The following RNF128 variants were observed in gnomAD, a reference collection of about 807,000 sequenced individuals.
RNF128 encodes the protein ring finger protein 128.
RNF128 carries 13 observed loss-of-function variants against 26.2 expected under a neutral mutation model. The ratio of observed to expected loss-of-function variants is 0.50; its 90% confidence interval spans 0.32 to 0.79. RNF128 has a LOEUF of 0.79. Ranked by LOEUF, RNF128 falls within the 30% of genes least tolerant of loss-of-function variation. The pLI is 0.03. For synonymous variants in RNF128, 149 were observed against 142.5 expected (o/e 1.05, Z -0.32); for missense variants, 315 against 349.7 (o/e 0.90, Z 0.79).
Position 106,791,164 on chromosome X carries a change from C to T in RNF128, c.1083C>T (p.Thr361=), listed in dbSNP as rs148539954. Residue 361 remains threonine, a synonymous_variant, in exon 6 of 7, where the codon ACC becomes ACT. Transcript: ENST00000255499. The part of the protein sequence containing the change: ...SSHEEDNRSE[T]ASSGYASVQG... ...ATGAAGAGGATAATCGCAGCGAGAC[C>T]GCATCATCTGGATATGCTTCAGTAC... 4.1e-5 allele frequency: 49 copies of T among 1,207,422 alleles called. No homozygotes were observed. The African/African-American group carries it at 6.9e-4, about 17-fold the overall frequency.
chrX:106,707,102 T>G (rs759741760), intron 1 of RNF128, among the ~76,000 whole-genome samples: 7 of 111,886 alleles, frequency 6.3e-5, no homozygotes, highest in Non-Finnish European at 1.1e-4. Context: ...TCTTATGTAT[T>G]CATTTGTATA....
chrX:106,783,737 G>A (rs768813309), intron 2 of RNF128, among the ~76,000 whole-genome samples: 1 of 111,607 alleles, frequency 9.0e-6, no homozygotes, highest in Non-Finnish European at 1.9e-5. Context: ...TCATGGTTCT[G>A]CAGGCTATAC....
intron 1 of RNF128, among the ~76,000 whole-genome samples, chrX:106,717,772 T>C (rs771580448): frequency 1.8e-5 from 2 of 112,516 alleles, no homozygotes; most frequent in African/African-American, 6.4e-5. Flanking sequence ...TTAATTTGTA[T>C]ACTTAATGTA....
At chrX:106,711,341 G>T (rs891941921) in intron 1 of RNF128, among the ~76,000 whole-genome samples, 7 of 112,162 alleles carry the variant, frequency 6.2e-5, no homozygotes, top group African/African-American at 2.3e-4. Flanking sequence ...GCAATCACCA[G>T]ACAGTAAGAT....
At chrX:106,714,336 T>C (rs764519002) in intron 1 of RNF128, among the ~76,000 whole-genome samples, 32 of 111,539 alleles carry the variant, frequency 2.9e-4, no homozygotes, top group African/African-American at 1.0e-3. Context: ...ATTCAAATAA[T>C]GCATTATACA....
intron 1 of RNF128, among the ~76,000 whole-genome samples, chrX:106,767,830 T>A (rs941492858): frequency 8.9e-6 from 1 of 111,813 alleles, no homozygotes; most frequent in Non-Finnish European, 1.9e-5. Flanking sequence ...TTGCCCATTC[T>A]GTATAATATT....
intron 1 of RNF128, among the ~76,000 whole-genome samples, chrX:106,715,311 C>T (rs1248872364): frequency 8.9e-6 from 1 of 112,410 alleles, no homozygotes; most frequent in Non-Finnish European, 1.9e-5. Flanking sequence ...TGACATTTAA[C>T]ATCTTTTCGC....
At position 106,776,765 on chromosome X, in the gene RNF128, T is replaced by C. The variant is rs149287445; in HGVS notation, c.732+3605T>C. Reference sequence around the variant, plus strand: ...TTGCACTGCTGATCTCTGACTGATCTGGACCAAAGGATGGGCCAAAATAAG... The same window carrying C: ...TTGCACTGCTGATCTCTGACTGATCCGGACCAAAGGATGGGCCAAAATAAG... On this transcript the variant is annotated intron_variant, in intron 2 of 6. Coordinates refer to ENST00000255499, the MANE Select transcript of RNF128 (RefSeq NM_194463.2). 1.6e-3 allele frequency among the ~76,000 whole-genome samples: 174 copies of C among 111,570 alleles called. 5 individuals carry two copies. In the East Asian group the frequency reaches 0.044, roughly 28 times the overall value.
At chrX:106,757,500 C>T (rs1486930716) in intron 1 of RNF128, among the ~76,000 whole-genome samples, 6 of 72,472 alleles carry the variant, frequency 8.3e-5, no homozygotes, top group Admixed American at 1.7e-4. Flanking sequence ...AACCAAACAC[C>T]GCATATTCTC....
chrX:106,744,606 C>T (rs1276698629), intron 1 of RNF128, among the ~76,000 whole-genome samples: 2 of 110,118 alleles, frequency 1.8e-5, no homozygotes, highest in African/African-American at 3.3e-5. Context: ...ACAACAGGCA[C>T]GTGCCACCAT....
At position 106,770,681 on chromosome X, in the gene RNF128, G is replaced by A. The variant is rs185774742; in HGVS notation, c.485-2232G>A. ...TTTTTCAAGGTTTTTACTTCTTTGC[G>A]ATGGGTTCGAACATCCTCCTTTAGT... On this transcript the variant is annotated intron_variant, in intron 1 of 6. Transcript: ENST00000255499. 1.1e-3 allele frequency among the ~76,000 whole-genome samples: 124 copies of A among 111,386 alleles called. 1 individual carries two copies. In the South Asian group the frequency reaches 0.022, roughly 20 times the overall value.
intron 1 of RNF128, among the ~76,000 whole-genome samples, chrX:106,731,671 T>C (rs1929505369): frequency 9.0e-6 from 1 of 111,283 alleles, no homozygotes; most frequent in African/African-American, 3.3e-5. Context: ...CTCTCTTTTG[T>C]TTCATTACTA....
chrX:106,718,316 T>G (rs937002582), intron 1 of RNF128, among the ~76,000 whole-genome samples: 1 of 111,543 alleles, frequency 9.0e-6, no homozygotes, highest in East Asian at 2.8e-4. Context: ...TCTGCCCTCT[T>G]TTTCCCCCTC....
intron 3 of RNF128, 44 bp downstream of exon 3, chrX:106,785,180 T>C: frequency 1.0e-6 from 1 of 966,728 alleles, no homozygotes; most frequent in Non-Finnish European, 1.4e-6. Context: ...AAAGCAGTGC[T>C]ACCAAGCCAT....
chrX:106,694,479 G>A (rs1412234378), intron 1 of RNF128: 4 of 849,539 alleles, frequency 4.7e-6, no homozygotes, highest in African/African-American at 2.1e-5. Flanking sequence ...ATCTAGAACT[G>A]GTCTAGGATC....
At chrX:106,719,300 AC>A (rs1314411943) in intron 1 of RNF128, among the ~76,000 whole-genome samples, 3 of 109,266 alleles carry the variant, frequency 2.7e-5, no homozygotes, top group Non-Finnish European at 5.7e-5. Context: ...ACTCACTTCA[AC>A]CTCCCCCACC....
chrX:106,700,050 C>G (rs1330901919), intron 1 of RNF128, among the ~76,000 whole-genome samples: 1 of 100,976 alleles, frequency 9.9e-6, no homozygotes, highest in African/African-American at 3.7e-5. Flanking sequence ...TGATACGGGT[C>G]TTGCTGTGTC....
exon 1 of RNF128, chrX:106,694,124 G>T (rs1928832018): frequency 1.7e-6 from 2 of 1,210,322 alleles, no homozygotes; most frequent in African/African-American, 3.5e-5. Flanking sequence ...AATGAAACCA[G>T]CAACTACACT....
upstream of RNF128, among the ~76,000 whole-genome samples, chrX:106,723,646 A>G (rs1358365455): frequency 9.0e-6 from 1 of 110,773 alleles, no homozygotes; most frequent in African/African-American, 3.3e-5. Context: ...GACTAGCTTC[A>G]CTTCCCTTGG....
Sources: gnomAD v4.1 joint callset for allele counts (sites outside exome capture counted in the v4.1 genomes callset) on GRCh38, gnomAD v4.1.1 for gene constraint, MANE v1.5 for transcripts, NCBI Gene and HGNC (gene_info 2026-07-23, HGNC 2026-07-21) for gene names.